The following PKHD1L1 variants were observed in gnomAD, a reference collection of about 807,000 sequenced individuals.
PKHD1L1 encodes the protein fibrocystin-L.
In PKHD1L1, 434 loss-of-function variants were observed where a neutral mutation model predicts 462.9. The observed-to-expected ratio is 0.94, with a 90% confidence interval of 0.87 to 1.02. The LOEUF (loss-of-function observed/expected upper bound fraction) is 1.02, where lower values mean the gene tolerates loss of function less well. PKHD1L1 is among the 50% of genes least tolerant of loss of function. The pLI is 0.00. For missense variants in PKHD1L1, 5,202 were observed against 5,096.1 expected (o/e 1.02, Z -0.63); for synonymous variants, 1,781 against 1,750.0 (o/e 1.02, Z -0.44).
intron 71 of PKHD1L1, 33 bp from the exon 72 acceptor site, chr8:109,515,137 G>C: frequency 6.9e-7 from 1 of 1,439,974 alleles, no homozygotes; most frequent in South Asian, 1.4e-5. Context: ...ATTCTATTTT[G>C]TTGCTTTCTT....
chr8:109,373,232 G>A (rs1356342245), intron 2 of PKHD1L1, among the ~76,000 whole-genome samples: 2 of 152,066 alleles, frequency 1.3e-5, no homozygotes, highest in Non-Finnish European at 2.9e-5. Flanking sequence ...TTTAGTCTTG[G>A]GAGGGTGTAT....
intron 55 of PKHD1L1, chr8:109,480,810 C>T: frequency 3.7e-6 from 1 of 270,578 alleles, no homozygotes; most frequent in South Asian, 4.0e-5. Flanking sequence ...TTTAAAAGTG[C>T]ATTGTATTTT....
rs117636975 is a variant in PKHD1L1, at chr8:109,530,891, G to C, written c.*801G>C. On this transcript the variant is annotated 3_prime_UTR_variant, in exon 78 of 78. Coordinates refer to ENST00000378402, the MANE Select transcript of PKHD1L1 (RefSeq NM_177531.6). ...ATTCACTGTTTACTGGATGAATGAAGTATAAAGTGTGGGAAGTCAACAACA... is the reference window on the plus strand; with the variant it reads ...ATTCACTGTTTACTGGATGAATGAACTATAAAGTGTGGGAAGTCAACAACA... Among the ~76,000 whole-genome samples the C allele has an allele frequency of 6.6e-6, 1 of 152,168 alleles. No individual in the cohort carries two copies. Among genetic ancestry groups the C allele is most frequent in the Non-Finnish European group, 1.5e-5 (1 of 68,028 alleles).
rs143377852 is a variant in PKHD1L1 at position 109,482,337 on chromosome 8, T to C, written c.9458-650T>C. On this transcript the variant is annotated intron_variant, in intron 56 of 77. Transcript: ENST00000378402. The stretch of plus-strand genomic sequence containing the variant: ...TTCAATCTTAAAAAAAAGTATGTGC[T>C]TTTTATTTCAAAAGTAACACTTTAA... Among the ~76,000 whole-genome samples the C allele has an allele frequency of 3.1e-3, 465 of 151,962 alleles. 3 individuals are homozygous for C. The highest frequency in any genetic ancestry group is 0.011 in the African/African-American group (445 of 41,560).
Position 109,481,437 on chromosome 8 carries a change from G to T in PKHD1L1, c.9332G>T (p.Gly3111Val), listed in dbSNP as rs1818268162. 1.3e-6 allele frequency: 2 copies of T among 1,592,616 alleles called. No homozygotes were observed. The highest frequency in any genetic ancestry group is 2.3e-5 in the South Asian group (2 of 87,318). The change falls in exon 56 of 78, where the codon GGT becomes GTT. Residue 3111 changes from glycine (G) to valine (V), a missense_variant. Around this residue, in one of 3 missense-constraint regions of PKHD1L1, gnomAD observed 4,497 missense variants for 4,336.8 expected, o/e 1.04. Transcript: ENST00000378402. ...CAATTTTCTGCTTCATTTCAGGGAG[G>T]TAGATTAATCGGTGGCTGGGAAGAT... The part of the protein sequence containing the change: ...LNATYISLQG[G>V]RLIGGWEDNP...
At chr8:109,495,040 T>A (rs1225683614) in intron 63 of PKHD1L1, among the ~76,000 whole-genome samples, 1 of 151,868 alleles carries the variant, frequency 6.6e-6, no homozygotes, top group African/African-American at 2.4e-5. Flanking sequence ...TTTCACCTTT[T>A]AAAAAATATA....
At chr8:109,390,089 A>G (rs1435372209) in intron 8 of PKHD1L1, among the ~76,000 whole-genome samples, 4 of 152,036 alleles carry the variant, frequency 2.6e-5, no homozygotes, top group Non-Finnish European at 5.9e-5. Flanking sequence ...CTGTGTGCTC[A>G]CCCCACATCT....
At chr8:109,450,379 T>A (rs1442198922) in intron 40 of PKHD1L1, among the ~76,000 whole-genome samples, 1 of 152,226 alleles carries the variant, frequency 6.6e-6, no homozygotes, top group Non-Finnish European at 1.5e-5. Flanking sequence ...TGTTGCTTCT[T>A]TCTCTGACTT....
intron 67 of PKHD1L1, among the ~76,000 whole-genome samples, chr8:109,503,328 G>A (rs1015726321): frequency 1.3e-5 from 2 of 150,068 alleles, no homozygotes; most frequent in Non-Finnish European, 1.5e-5. Context: ...AAAAAAAACA[G>A]AAGACCGCAG....
intron 28 of PKHD1L1, among the ~76,000 whole-genome samples, chr8:109,433,740 C>T (rs1193630164): frequency 6.6e-6 from 1 of 152,122 alleles, no homozygotes; most frequent in Non-Finnish European, 1.5e-5. Context: ...TTTCATAATT[C>T]TAGGAGATTT....
intron 14 of PKHD1L1, among the ~76,000 whole-genome samples, chr8:109,402,481 A>C: frequency 6.6e-6 from 1 of 152,258 alleles, no homozygotes; most frequent in South Asian, 2.1e-4. Context: ...CTCATCATCC[A>C]GGAGACTAGC....
intron 2 of PKHD1L1, among the ~76,000 whole-genome samples, chr8:109,366,500 AAATGAAT>A (rs1811238115): frequency 1.3e-5 from 2 of 152,226 alleles, no homozygotes; most frequent in Admixed American, 1.3e-4. Context: ...CAGTTATGCA[AAATGAAT>A]AAATCCTAGA....
At chr8:109,383,108 G>T (rs1812214363) in intron 4 of PKHD1L1, among the ~76,000 whole-genome samples, 7 of 94,532 alleles carry the variant, frequency 7.4e-5, no homozygotes, top group East Asian at 2.8e-4. Context: ...TATATAAATA[G>T]TTATATATAA....
intron 5 of PKHD1L1, among the ~76,000 whole-genome samples, chr8:109,384,610 C>G (rs1289987138): frequency 6.6e-6 from 1 of 151,908 alleles, no homozygotes; most frequent in Non-Finnish European, 1.5e-5. Flanking sequence ...TATTTATCAC[C>G]TCCCACCCCC....
chr8:109,438,819 GATTT>G, intron 31 of PKHD1L1, 74 bp from the exon 32 acceptor site: 1 of 1,107,022 alleles, frequency 9.0e-7, no homozygotes, highest in South Asian at 1.7e-5. Flanking sequence ...GAGATGAATT[GATTT>G]ATTTAATATG....
chr8:109,382,682 A>G (rs780643569), intron 4 of PKHD1L1, 111 bp downstream of exon 4: 2 of 644,302 alleles, frequency 3.1e-6, no homozygotes, highest in East Asian at 3.1e-5. Context: ...TTAAAAATAC[A>G]TTAGCATGTA....
intron 60 of PKHD1L1, among the ~76,000 whole-genome samples, chr8:109,490,504 G>GA (rs1449586966): frequency 6.6e-6 from 1 of 151,672 alleles, no homozygotes; most frequent in Admixed American, 6.6e-5. Context: ...TTTCTTAGTA[G>GA]AAATACAAAA....
At chr8:109,487,919 A>AGGAAGGAG (rs1215107114) in intron 59 of PKHD1L1, among the ~76,000 whole-genome samples, 32 of 149,842 alleles carry the variant, frequency 2.1e-4, no homozygotes, top group African/African-American at 7.8e-4. Flanking sequence ...GAAGGAAGGA[A>AGGAAGGAG]GGAAGGAAGG....
At position 109,452,749 on chromosome 8, in the gene PKHD1L1, G is replaced by T; in HGVS notation, c.6539G>T (p.Trp2180Leu). 6.5e-7 allele frequency: 1 copy of T among 1,541,438 alleles called. No individual in the cohort carries two copies. Among genetic ancestry groups the T allele is most frequent in the Non-Finnish European group, 8.7e-7 (1 of 1,145,692 alleles). The change falls in exon 43 of 78, where the codon TGG (tryptophan) becomes TTG (leucine). Residue 2180 changes from tryptophan (W) to leucine (L), a missense_variant. Physicochemically the swap from Trp to Leu is moderately conservative, Grantham distance 61. Transcript: ENST00000378402. ...DNADFLYVDA[W>L]SSNFSWGGKS... is the part of the protein sequence containing the mutation. Reference sequence around the variant, plus strand: ...GCTGACTTTCTTTATGTTGATGCCTGGTCCTCCAATTTCTCATGGGGGGGA... The same window carrying T: ...GCTGACTTTCTTTATGTTGATGCCTTGTCCTCCAATTTCTCATGGGGGGGA...
Sources: gnomAD v4.1 joint callset for allele counts (sites outside exome capture counted in the v4.1 genomes callset) on GRCh38, gnomAD v4.1.1 for gene constraint, gnomAD v4.1.1 regional missense constraint, MANE v1.5 for transcripts, NCBI Gene and HGNC (gene_info 2026-07-23, HGNC 2026-07-21) for gene names.